Variants in PCDHGB2 observed in about 807,000 individuals in gnomAD.
PCDHGB2 encodes the protein protocadherin gamma-B2.
PCDHGB2 carries 55 observed loss-of-function variants against 59.3 expected under a neutral mutation model. The observed-to-expected ratio is 0.93, with a 90% confidence interval of 0.75 to 1.16. The LOEUF is 1.16. PCDHGB2 is among the 50% of genes most tolerant of loss of function. The pLI is 0.00. For synonymous variants in PCDHGB2, 516 were observed against 512.0 expected (o/e 1.01, Z -0.11); for missense variants, 1,228 against 1,198.5 (o/e 1.02, Z -0.36).
At chr5:141,478,251 T>C in intron 1 of PCDHGB2, 1 of 1,614,072 alleles carries the variant, frequency 6.2e-7, no homozygotes, top group Non-Finnish European at 8.5e-7. Context: ...GTGTTCGGAG[T>C]AATCATATTC....
At position 141,489,474 on chromosome 5, in the gene PCDHGB2, C is replaced by T. The variant is rs772297075; in HGVS notation, c.2422-5333C>T. On this transcript the variant is annotated intron_variant, in intron 1 of 3. Transcript: ENST00000522605. The surrounding 1 kb of genome is among the most constrained non-coding windows in gnomAD (Gnocchi z 4.5). ...AGAATGGGCGCTATTTTTCCCTGAG[C>T]TTGATGAGTGGTGCCCTGGCAGTGA... 6.2e-7 allele frequency: 1 copy of T among 1,614,108 alleles called. No individual in the cohort carries two copies. The highest frequency in any genetic ancestry group is 8.5e-7 in the Non-Finnish European group (1 of 1,180,034).
intron 1 of PCDHGB2, among the ~76,000 whole-genome samples, chr5:141,464,901 G>A (rs1562002452): frequency 6.6e-6 from 1 of 151,916 alleles, no homozygotes; most frequent in Non-Finnish European, 1.5e-5. Context: ...ACCATGTCCA[G>A]CTAATTTTTT....
chr5:141,496,992 C>T (rs1055856428), intron 2 of PCDHGB2, among the ~76,000 whole-genome samples: 2 of 151,918 alleles, frequency 1.3e-5, no homozygotes, highest in African/African-American at 2.4e-5. Context: ...TTGAGACCAG[C>T]CTGGCAGCCA....
At chr5:141,365,429 G>T (rs781264093) in intron 1 of PCDHGB2, 7 of 1,613,990 alleles carry the variant, frequency 4.3e-6, no homozygotes, top group Non-Finnish European at 4.2e-6. Flanking sequence ...AACTGTAATC[G>T]CGCTGTTTAG....
At chr5:141,398,580 A>G in intron 1 of PCDHGB2, 1 of 1,614,044 alleles carries the variant, frequency 6.2e-7, no homozygotes, top group Non-Finnish European at 8.5e-7. Context: ...CTGGCACAAG[A>G]TTTATACTAG....
rs371245499 is a variant in PCDHGB2 at position 141,399,811 on chromosome 5, G to T, written c.2421+37255G>T. 1.0e-4 allele frequency: 169 copies of T among 1,613,100 alleles called. No homozygotes were observed. The highest frequency in any genetic ancestry group is 1.4e-4 in the Non-Finnish European group (163 of 1,179,762). ...CAACGCACCGCGGGTGCTGTACCCC[G>T]CGCTGGGTCCCGACGGCTCTGCGCT... On this transcript the variant is annotated intron_variant, in intron 1 of 3. Coordinates refer to ENST00000522605, the MANE Select transcript of PCDHGB2 (RefSeq NM_018923.3).
In PCDHGB2 at chr5:141,491,272, A is replaced by G. The variant is rs2099710110; in HGVS notation, c.2422-3535A>G. On this transcript the variant is annotated intron_variant, in intron 1 of 3. Transcript: ENST00000522605. The surrounding 1 kb of genome is among the most constrained non-coding windows in gnomAD (Gnocchi z 6.9). The stretch of plus-strand genomic sequence containing the variant: ...GGACCCTGAGGAAATGCCCAAATCC[A>G]GTGACTTCCTCATACACCCTCCTGA... The G allele has an allele frequency of 1.2e-6, 2 of 1,614,084 alleles. No homozygotes were observed. Among genetic ancestry groups the G allele is most frequent in the Non-Finnish European group, 1.7e-6 (2 of 1,179,928 alleles).
At chr5:141,410,039 G>A (rs1413013254) in intron 1 of PCDHGB2, 2 of 1,613,264 alleles carry the variant, frequency 1.2e-6, no homozygotes, top group South Asian at 1.1e-5. Context: ...GCAGGCCAGT[G>A]AGCCCGGACT....
In PCDHGB2 at chr5:141,372,665, C is replaced by T. The variant is rs570619495; in HGVS notation, c.2421+10109C>T. 2.5e-6 allele frequency: 4 copies of T among 1,613,990 alleles called. No homozygotes were observed. In the African/African-American group the frequency reaches 4.0e-5, roughly 16 times the overall value. ...CTTATTCCTACAATCCGTGTGCTGC[C>T]TCACATTCCTCAAACACCGAGTTTA... On this transcript the variant is annotated intron_variant, in intron 1 of 3. Transcript: ENST00000522605.
chr5:141,417,830 G>C (rs2096166388), intron 1 of PCDHGB2: 1 of 1,527,028 alleles, frequency 6.5e-7, no homozygotes, highest in African/African-American at 1.4e-5. Flanking sequence ...AACTGGAAAA[G>C]CGGGGACCCA....
chr5:141,429,861 A>C (rs1483953460), intron 1 of PCDHGB2, among the ~76,000 whole-genome samples: 1 of 152,226 alleles, frequency 6.6e-6, no homozygotes, highest in Non-Finnish European at 1.5e-5. Flanking sequence ...TCTTTGGACT[A>C]CCAATTTTCT....
At chr5:141,448,999 G>GT (rs910018882) in intron 1 of PCDHGB2, among the ~76,000 whole-genome samples, 19 of 151,698 alleles carry the variant, frequency 1.3e-4, no homozygotes, top group South Asian at 2.1e-4. Flanking sequence ...ATAGAAAGCT[G>GT]TTTTTTTTAA....
At chr5:141,483,648 T>TTGTGTGTGTG (rs111458813) in intron 1 of PCDHGB2, among the ~76,000 whole-genome samples, 23 of 149,708 alleles carry the variant, frequency 1.5e-4, no homozygotes, top group African/African-American at 3.9e-4. Context: ...GGGTGTGTGT[T>TTGTGTGTGTG]TGTGTGTGTG....
chr5:141,428,223 A>C (rs539110667), intron 1 of PCDHGB2: 30 of 1,169,680 alleles, frequency 2.6e-5, no homozygotes, highest in Admixed American at 2.5e-4. Flanking sequence ...TAGTCTTCGC[A>C]GACAGCCTGC....
At chr5:141,422,849 C>T in intron 1 of PCDHGB2, 1 of 1,614,238 alleles carries the variant, frequency 6.2e-7, no homozygotes, top group Non-Finnish European at 8.5e-7. Context: ...AGCGGGGACC[C>T]GCCCCTCAGC....
Position 141,371,052 on chromosome 5 carries a change from C to T in PCDHGB2, c.2421+8496C>T, listed in dbSNP as rs769801850. 2.5e-6 allele frequency: 4 copies of T among 1,613,960 alleles called. No individual in the cohort carries two copies. In the South Asian group the frequency reaches 3.3e-5, roughly 13 times the overall value. ...CCTCACAGCTGTGGATGGGGGCGAGCCCTCCAGAAGCTGTACCACCCAGAT... is the reference window on the plus strand; with the variant it reads ...CCTCACAGCTGTGGATGGGGGCGAGTCCTCCAGAAGCTGTACCACCCAGAT... On this transcript the variant is annotated intron_variant, in intron 1 of 3. Coordinates refer to ENST00000522605, the MANE Select transcript of PCDHGB2 (RefSeq NM_018923.3).
intron 1 of PCDHGB2, chr5:141,421,344 G>A: frequency 6.2e-7 from 1 of 1,613,976 alleles, no homozygotes; most frequent in Non-Finnish European, 8.5e-7. Context: ...TGCCAGAAGA[G>A]ACCGAAAAGG....
Position 141,512,423 on chromosome 5 carries a change from T to C in PCDHGB2, c.*1250T>C, listed in dbSNP as rs2099884220. ...GATGGGGCTTCTTCAACAGGGCCCC[T>C]GCCCTCCTGAAGCCTCAGTCCTTCA... is the stretch of plus-strand genomic sequence containing the variant. On this transcript the variant is annotated 3_prime_UTR_variant, in exon 4 of 4. Transcript: ENST00000522605. 1 of 152,754 alleles carries C rather than the reference T, an allele frequency of 6.5e-6. No individual in the cohort carries two copies. The highest frequency in any genetic ancestry group is 6.5e-5 in the Admixed American group (1 of 15,274). The allele number at this position is 152,754 out of a possible 1,614,324, so 9.5% of individuals were successfully genotyped here.
intron 1 of PCDHGB2, chr5:141,410,760 A>G: frequency 8.5e-7 from 1 of 1,177,482 alleles, no homozygotes; most frequent in Non-Finnish European, 1.2e-6. Flanking sequence ...ATGTTTTTTC[A>G]ATTATAGTTT....
Sources: gnomAD v4.1 joint callset for allele counts (sites outside exome capture counted in the v4.1 genomes callset) on GRCh38, gnomAD v4.1.1 for gene constraint, Gnocchi (gnomAD v3.1) non-coding constraint, MANE v1.5 for transcripts, NCBI Gene and HGNC (gene_info 2026-07-23, HGNC 2026-07-21) for gene names.